Variants in UNKL observed in about 807,000 individuals in gnomAD.
UNKL encodes unk like zinc finger.
Under a neutral mutation model 78.0 loss-of-function variants are expected in UNKL, and 60 were observed. The observed-to-expected ratio is 0.77, with a 90% CI of 0.63 to 0.95. The LOEUF (loss-of-function observed/expected upper bound fraction) is 0.95. UNKL is among the 40% of genes least tolerant of loss of function. UNKL has a pLI of 0.00. For missense variants in UNKL, 1,159 were observed against 1,045.7 expected (o/e 1.11, Z -1.49); for synonymous variants, 608 against 474.8 (o/e 1.28, Z -3.65).
Position 1,367,764 on chromosome 16 carries a change from A to G in UNKL, c.1680T>C (p.Ser560=), listed in dbSNP as rs1374316884. 4 of 1,573,664 alleles carry G rather than the reference A, an allele frequency of 2.5e-6. No homozygotes were observed. Among genetic ancestry groups the G allele is most frequent in the Non-Finnish European group, 3.4e-6 (4 of 1,160,396 alleles). The change falls in exon 13 of 15, where the codon TCT becomes TCC. Residue 560 remains serine, a synonymous_variant. Transcript: ENST00000389221. ...CAGCTCCGTTTGGACTTGCACTCGA[A>G]GAGGATGGGGGGCCGGCACTCAGGA... The part of the protein sequence containing the change: ...SPILSAGPPS[S]SSASPNGAEL...
chr16:1,372,569 TGAG>T (rs2035944537), intron 10 of UNKL, among the ~76,000 whole-genome samples: 1 of 152,004 alleles, frequency 6.6e-6, no homozygotes, highest in Non-Finnish European at 1.5e-5. Flanking sequence ...GAAGCCATCA[TGAG>T]GAGGCTGAGC....
In UNKL at chr16:1,388,834, C is replaced by T. The variant is rs546843449; in HGVS notation, c.1086+1798G>A. ...CCGCTAACACCAGCACCGTTCGCCC[C>T]GTGGGGACAGCACACCCCAAGCTAC... On this transcript the variant is annotated intron_variant, in intron 9 of 14. Transcript: ENST00000389221. 2.6e-5 allele frequency among the ~76,000 whole-genome samples: 4 copies of T among 152,280 alleles called. No homozygotes were observed. The East Asian group carries it at 5.8e-4, about 22-fold the overall frequency.
chr16:1,363,573 G>C lies in UNKL; in HGVS notation c.*2667C>G. The C allele has an allele frequency of 4.4e-6, 1 of 226,402 alleles. No individual in the cohort carries two copies. Among genetic ancestry groups the C allele is most frequent in the East Asian group, 1.2e-4 (1 of 8,118 alleles). 14.0% of individuals were successfully genotyped at this position (226,402 alleles called of 1,614,324 possible). A position where few individuals can be genotyped will look rare whatever the true frequency, so the allele number is the denominator to read the frequency against. On this transcript the variant is annotated 3_prime_UTR_variant, in exon 15 of 15. Coordinates refer to ENST00000389221, the MANE Select transcript of UNKL (RefSeq NM_001372107.1). ...AACATGCAGAGCCGGCCGCCAGCCA[G>C]CTCCTACGCCCCGTGCCCGCCATGG...
At chr16:1,400,228 G>A (rs2142194707) in intron 4 of UNKL, among the ~76,000 whole-genome samples, 1 of 151,934 alleles carries the variant, frequency 6.6e-6, no homozygotes, top group Non-Finnish European at 1.5e-5. Context: ...AGACTTGCCT[G>A]GCCAACACAG....
intron 1 of UNKL, 40 bp downstream of exon 1, chr16:1,414,575 C>A: frequency 1.0e-6 from 1 of 959,632 alleles, no homozygotes. Context: ...CGAGCTGCAC[C>A]GGGCGCGGGC....
At chr16:1,414,309 A>G (rs957710594) in intron 1 of UNKL, among the ~76,000 whole-genome samples, 2 of 151,614 alleles carry the variant, frequency 1.3e-5, no homozygotes, top group African/African-American at 4.8e-5. Flanking sequence ...ACCCGCTGTG[A>G]CCTCACGGTC....
At chr16:1,401,823 A>T in intron 3 of UNKL, 122 bp from the exon 4 acceptor site, 1 of 1,370,264 alleles carries the variant, frequency 7.3e-7, no homozygotes, top group East Asian at 2.4e-5. Flanking sequence ...CGAAGGGTTC[A>T]GGACGGAGTC....
chr16:1,371,532 G>A lies in UNKL; in HGVS notation c.1344C>T (p.Asp448=). The change falls in exon 11 of 15, where the codon GAC becomes GAT. Residue 448 remains aspartate, a synonymous_variant. Coordinates refer to ENST00000389221, the MANE Select transcript of UNKL (RefSeq NM_001372107.1). ...EKDLEEQDGH[D]LGAAGPRSLA... ...CCCCACCCTCACCTGCTGCTCCCAG[G>A]TCGTGGCCGTCTTGCTCTTCCAGGT... 2.0e-6 allele frequency: 3 copies of A among 1,536,176 alleles called. No individual in the cohort carries two copies. The highest frequency in any genetic ancestry group is 1.7e-6 in the Non-Finnish European group (2 of 1,146,904).
chr16:1,383,281 A>AC (rs1475386701), intron 10 of UNKL, among the ~76,000 whole-genome samples: 1 of 151,246 alleles, frequency 6.6e-6, no homozygotes, highest in East Asian at 1.9e-4. Flanking sequence ...TCAAAAAAAA[A>AC]AAAAAAACAA....
intron 6 of UNKL, among the ~76,000 whole-genome samples, chr16:1,396,038 G>A (rs2037245439): frequency 6.6e-6 from 1 of 152,014 alleles, no homozygotes; most frequent in Non-Finnish European, 1.5e-5. Flanking sequence ...AGCCTCCCAG[G>A]TTCAAGTGAT....
rs776211007 is a variant in UNKL at position 1,401,650 on chromosome 16, T to A, written c.516A>T (p.Glu172Asp). ...CCCCAGGCTGCAGATCCGGGACCCCTTCCCCGCCGCCCAGCTGGCCGTTCT... is the reference window on the plus strand; with the variant it reads ...CCCCAGGCTGCAGATCCGGGACCCCATCCCCGCCGCCCAGCTGGCCGTTCT... Reference protein sequence around the residue: ...ALQNGQLGGGEGVPDLQPGVL... With the variant: ...ALQNGQLGGGDGVPDLQPGVL... Residue 172 changes from glutamate (E) to aspartate (D), a missense_variant, in exon 4 of 15, where the codon GAA (glutamate) becomes GAT (aspartate). Coordinates refer to ENST00000389221, the MANE Select transcript of UNKL (RefSeq NM_001372107.1). The A allele has an allele frequency of 1.2e-6, 2 of 1,612,120 alleles. No homozygotes were observed. The highest frequency in any genetic ancestry group is 2.2e-5 in the South Asian group (2 of 90,954).
At chr16:1,413,805 C>T (rs1163037401) in intron 2 of UNKL, 41 bp downstream of exon 2, 1 of 1,487,420 alleles carries the variant, frequency 6.7e-7, no homozygotes, top group Non-Finnish European at 9.0e-7. Context: ...GGAGGCCCCC[C>T]ACCTCCGCCC....
intron 14 of UNKL, 31 bp downstream of exon 14, chr16:1,367,061 G>C (rs2035332492): frequency 1.3e-6 from 2 of 1,490,880 alleles, no homozygotes; most frequent in Non-Finnish European, 1.8e-6. Flanking sequence ...CAGGCAGGCT[G>C]GCCCCTCACC....
chr16:1,386,640 C>T (rs1330670270), intron 9 of UNKL, among the ~76,000 whole-genome samples: 1 of 152,170 alleles, frequency 6.6e-6, no homozygotes, highest in East Asian at 1.9e-4. Flanking sequence ...AAAAGTTAAC[C>T]TTGGGAGGTG....
At chr16:1,409,624 T>C (rs988788285) in intron 2 of UNKL, among the ~76,000 whole-genome samples, 1 of 152,174 alleles carries the variant, frequency 6.6e-6, no homozygotes, top group Non-Finnish European at 1.5e-5. Flanking sequence ...AGCAGGCTAA[T>C]ATTTTTGTAA....
At chr16:1,410,945 C>T (rs1029649426) in intron 2 of UNKL, among the ~76,000 whole-genome samples, 1 of 152,206 alleles carries the variant, frequency 6.6e-6, no homozygotes, top group Non-Finnish European at 1.5e-5. Context: ...CTTAACAACA[C>T]TATGGCCGGG....
intron 11 of UNKL, 119 bp downstream of exon 11, chr16:1,371,400 G>T: frequency 1.0e-6 from 1 of 964,706 alleles, no homozygotes; most frequent in Non-Finnish European, 1.5e-6. Flanking sequence ...CAGGAGTGCA[G>T]TGGTGCAACC....
rs564438027 is a variant in UNKL at position 1,398,504 on chromosome 16, G to C, written c.734+870C>G. ...GAGACTGAACGTGGCATAACAACAA[G>C]GAGTGGGGCGTCCTTCCCAAAGGAA... On this transcript the variant is annotated intron_variant, in intron 5 of 14. Coordinates refer to ENST00000389221, the MANE Select transcript of UNKL (RefSeq NM_001372107.1). 169 of 1,272,462 alleles carry C rather than the reference G, an allele frequency of 1.3e-4. No individual in the cohort carries two copies. The African/African-American group carries it at 2.4e-3, about 18-fold the overall frequency. 78.8% of individuals were successfully genotyped at this position (1,272,462 alleles called of 1,614,324 possible). A position where few individuals can be genotyped will look rare whatever the true frequency, so the allele number is the denominator to read the frequency against.
At chr16:1,397,037 C>T in intron 6 of UNKL, 141 bp downstream of exon 6, 2 of 864,396 alleles carry the variant, frequency 2.3e-6, no homozygotes, top group South Asian at 1.6e-5. Flanking sequence ...CTCATGCCTC[C>T]ACCCCCAGGC....
Sources: gnomAD v4.1 joint callset for allele counts (sites outside exome capture counted in the v4.1 genomes callset) on GRCh38, gnomAD v4.1.1 for gene constraint, MANE v1.5 for transcripts, NCBI Gene and HGNC (gene_info 2026-07-23, HGNC 2026-07-21) for gene names.